The following NOTCH1 variants were observed in gnomAD, a reference collection of about 807,000 sequenced individuals.
The protein encoded by NOTCH1 is neurogenic locus notch homolog protein 1.
NOTCH1 carries 37 observed loss-of-function variants against 254.8 expected under a neutral mutation model. The ratio of observed to expected loss-of-function variants is 0.15; its 90% CI spans 0.11 to 0.19. NOTCH1 has a LOEUF of 0.19. NOTCH1 is among the 10% of genes least tolerant of loss of function. The probability of loss-of-function intolerance (pLI) is 1.00; values close to 1 mark genes in which losing one functional copy is unlikely to be tolerated. For missense variants in NOTCH1, 2,972 were observed against 3,708.6 expected (o/e 0.80, Z 5.16); for synonymous variants, 1,731 against 1,618.1 (o/e 1.07, Z -1.68).
chr9:136,526,811 G>A (rs973486506), intron 2 of NOTCH1, among the ~76,000 whole-genome samples: 19 of 152,224 alleles, frequency 1.2e-4, no homozygotes, highest in Non-Finnish European at 2.2e-4. Flanking sequence ...ATCAGGCGTC[G>A]GTGCTCGGAC....
chr9:136,531,676 C>T (rs915901678), intron 2 of NOTCH1, among the ~76,000 whole-genome samples: 18 of 152,216 alleles, frequency 1.2e-4, no homozygotes, highest in South Asian at 2.1e-4. Context: ...CGCGGGGCGT[C>T]GGCACTGGTG....
intron 2 of NOTCH1, among the ~76,000 whole-genome samples, chr9:136,537,483 G>A (rs1338782294): frequency 6.6e-6 from 1 of 152,156 alleles, no homozygotes; most frequent in Non-Finnish European, 1.5e-5. Flanking sequence ...ACAGTATTTG[G>A]GTACAGTTTC....
chr9:136,507,007 C>T lies in NOTCH1; in HGVS notation c.3644-34G>A, dbSNP rs765244972. 36 of 1,584,778 alleles carry T rather than the reference C, an allele frequency of 2.3e-5. No individual in the cohort carries two copies. The South Asian group carries it at 2.8e-4, about 13-fold the overall frequency. ...CCAGGTTTCGTCAGTGGCCCAAGCCCGCCACACCCCGGCCCTGCCGTGCCG... is the reference window on the plus strand; with the variant it reads ...CCAGGTTTCGTCAGTGGCCCAAGCCTGCCACACCCCGGCCCTGCCGTGCCG... On this transcript the variant is annotated intron_variant, in intron 22 of 33. Coordinates refer to ENST00000651671, the MANE Select transcript of NOTCH1 (RefSeq NM_017617.5).
chr9:136,531,851 C>T (rs1047824988), intron 2 of NOTCH1, among the ~76,000 whole-genome samples: 2 of 152,244 alleles, frequency 1.3e-5, no homozygotes, highest in Non-Finnish European at 2.9e-5. Flanking sequence ...TCAGTGGTGG[C>T]CCCAGAGGTC....
At chr9:136,539,399 G>GT (rs994209049) in intron 2 of NOTCH1, among the ~76,000 whole-genome samples, 36 of 152,006 alleles carry the variant, frequency 2.4e-4, no homozygotes, top group African/African-American at 8.4e-4. Flanking sequence ...GTTGTTTTTT[G>GT]TTTTTTTGAG....
rs1410727832 is a variant in NOTCH1, at chr9:136,512,870, GCCA to G, written c.2467+148_2467+150del. ...TTCTGGAAGGCCCCGCCCCAAGAAAGCCACCACTTTACCCTCCAGTCACGGCTT... is the reference window on the plus strand; with the variant it reads ...TTCTGGAAGGCCCCGCCCCAAGAAAGCCACTTTACCCTCCAGTCACGGCTT... On this transcript the variant is annotated intron_variant, in intron 15 of 33. Transcript: ENST00000651671. 9.1e-6 allele frequency: 6 copies of G among 659,436 alleles called. No individual in the cohort carries two copies. The Admixed American group carries it at 1.1e-4, about 12-fold the overall frequency. 40.8% of individuals were successfully genotyped at this position (659,436 alleles called of 1,614,324 possible).
chr9:136,544,585 G>T (rs1234583553), intron 1 of NOTCH1, among the ~76,000 whole-genome samples: 1 of 150,972 alleles, frequency 6.6e-6, no homozygotes, highest in Admixed American at 6.6e-5. Flanking sequence ...GCCACACTCA[G>T]CTCCCGCCCG....
At chr9:136,524,104 C>T in intron 2 of NOTCH1, 125 bp from the exon 3 acceptor site, 1 of 1,273,298 alleles carries the variant, frequency 7.9e-7, no homozygotes, top group Non-Finnish European at 1.1e-6. Context: ...GGCACAACGG[C>T]TGCTTAGCGG....
intron 31 of NOTCH1, among the ~76,000 whole-genome samples, chr9:136,499,862 G>C (rs760928487): frequency 6.6e-6 from 1 of 152,226 alleles, no homozygotes; most frequent in Non-Finnish European, 1.5e-5. Flanking sequence ...TCCCTTCCAC[G>C]CTCTTTCTGC....
At chr9:136,499,706 G>A (rs1226059530) in intron 31 of NOTCH1, among the ~76,000 whole-genome samples, 1 of 152,204 alleles carries the variant, frequency 6.6e-6, no homozygotes. Context: ...ATGCAGCCGG[G>A]TCTTGGCATC....
Position 136,545,691 on chromosome 9 carries a change from G to A in NOTCH1, c.61+35C>T, listed in dbSNP as rs1283316094. 2.1e-6 allele frequency: 3 copies of A among 1,439,556 alleles called. No homozygotes were observed. Among genetic ancestry groups the A allele is most frequent in the South Asian group, 2.7e-5 (2 of 75,112 alleles). The allele number at this position is 1,439,556 out of a possible 1,614,324, so 89.2% of individuals were successfully genotyped here. On this transcript the variant is annotated intron_variant, in intron 1 of 33. Coordinates refer to ENST00000651671, the MANE Select transcript of NOTCH1 (RefSeq NM_017617.5). The surrounding 1 kb of genome is among the most constrained non-coding windows in gnomAD (Gnocchi z 6.8). Reference sequence around the variant, plus strand: ...CGCCGCCAAAGTTTCCAAAGGGCGCGGAAAGTGGGGGCTCGCGGGTGGGTG... The same window carrying A: ...CGCCGCCAAAGTTTCCAAAGGGCGCAGAAAGTGGGGGCTCGCGGGTGGGTG...
intron 2 of NOTCH1, among the ~76,000 whole-genome samples, chr9:136,539,689 A>T (rs1208810487): frequency 6.6e-6 from 1 of 152,180 alleles, no homozygotes; most frequent in African/African-American, 2.4e-5. Flanking sequence ...GGCGCCCTTG[A>T]AGACCAGGTT....
chr9:136,536,025 C>T (rs979890082), intron 2 of NOTCH1, among the ~76,000 whole-genome samples: 49 of 149,204 alleles, frequency 3.3e-4, no homozygotes, highest in African/African-American at 6.0e-4. Context: ...CCAGGAGCAA[C>T]GGGTACAGGG....
chr9:136,536,501 G>C (rs955856581), intron 2 of NOTCH1, among the ~76,000 whole-genome samples: 2 of 152,174 alleles, frequency 1.3e-5, no homozygotes, highest in African/African-American at 2.4e-5. Context: ...GGAGCAGGCA[G>C]ACTGGGCGGG....
In NOTCH1 at chr9:136,506,151, G is replaced by T. The variant is rs1843081640; in HGVS notation, c.4015-270C>A. Among the ~76,000 whole-genome samples the T allele has an allele frequency of 6.6e-6, 1 of 152,118 alleles. No homozygotes were observed. Among genetic ancestry groups the T allele is most frequent in the South Asian group, 2.1e-4 (1 of 4,828 alleles). The stretch of plus-strand genomic sequence containing the variant: ...GGACTCTCTGCCGTGATCCTGCGAG[G>T]GTGGGCAGGCATGTCATACCTCAGC... On this transcript the variant is annotated intron_variant, in intron 24 of 33. Coordinates refer to ENST00000651671, the MANE Select transcript of NOTCH1 (RefSeq NM_017617.5). This position sits in a 1 kb window ranked among gnomAD's most constrained non-coding sequence, Gnocchi z 4.5.
intron 30 of NOTCH1, 67 bp downstream of exon 30, chr9:136,501,681 C>T (rs553660419): frequency 4.6e-5 from 72 of 1,581,340 alleles, no homozygotes; most frequent in Admixed American, 8.4e-5. Flanking sequence ...ACCCCAGCCT[C>T]GGGGCTTAGG....
intron 2 of NOTCH1, among the ~76,000 whole-genome samples, chr9:136,524,334 T>C (rs751579118): frequency 1.3e-5 from 2 of 152,088 alleles, no homozygotes; most frequent in Non-Finnish European, 2.9e-5. Flanking sequence ...AAATGACTGC[T>C]AACTTGGGGA....
rs542875894 is a variant in NOTCH1 at position 136,496,986 on chromosome 9, G to A, written c.6753C>T (p.Ala2251=). Residue 2251 remains alanine (A), a synonymous_variant, in exon 34 of 34, where the codon GCC becomes GCT. Transcript: ENST00000651671. ...CACCCAGCGCCGCCATCTCGGGCTTGGCCGCCACGTTCAGGTGCCCGATGC... is the reference window on the plus strand; with the variant it reads ...CACCCAGCGCCGCCATCTCGGGCTTAGCCGCCACGTTCAGGTGCCCGATGC... The part of the protein sequence containing the change: ...HLGIGHLNVA[A]KPEMAALGGG... The A allele has an allele frequency of 1.4e-5, 23 of 1,610,524 alleles. No homozygotes were observed. The South Asian group carries it at 1.4e-4, about 10-fold the overall frequency.
rs762205505 is a variant in NOTCH1, at chr9:136,515,466, C to A, written c.1903+17G>T. On this transcript the variant is annotated intron_variant, in intron 11 of 33. Coordinates refer to ENST00000651671, the MANE Select transcript of NOTCH1 (RefSeq NM_017617.5). ...CTGCCCACTGGCCCCCCGCCGGCCA[C>A]CCGCCTGGCCGGCCACCTGTGGTCC... 4 of 1,611,294 alleles carry A rather than the reference C, an allele frequency of 2.5e-6. No individual in the cohort carries two copies. Among genetic ancestry groups the A allele is most frequent in the Non-Finnish European group, 3.4e-6 (4 of 1,179,322 alleles).
Sources: gnomAD v4.1 joint callset for allele counts (sites outside exome capture counted in the v4.1 genomes callset) on GRCh38, gnomAD v4.1.1 for gene constraint, Gnocchi (gnomAD v3.1) non-coding constraint, MANE v1.5 for transcripts, NCBI Gene and HGNC (gene_info 2026-07-23, HGNC 2026-07-21) for gene names.